Variants in ETFB observed in about 807,000 individuals in gnomAD.
ETFB encodes the protein beta-ETF.
Under a neutral mutation model 25.6 loss-of-function variants are expected in ETFB, and 20 were observed. The observed-to-expected ratio is 0.78, with a 90% confidence interval of 0.55 to 1.14. The LOEUF (loss-of-function observed/expected upper bound fraction) is 1.14, where lower values mean the gene tolerates loss of function less well. Among genes scored for constraint, ETFB ranks in the 50% most tolerant of loss-of-function variants. The pLI, the probability that ETFB is intolerant of heterozygous loss-of-function variation, is 0.00. For synonymous variants in ETFB, 142 were observed against 146.7 expected, an observed-to-expected ratio of 0.97 and a Z score of 0.23; for missense variants, 286 against 342.6, an observed-to-expected ratio of 0.83 and a Z score of 1.30.
intron 2 of ETFB, among the ~76,000 whole-genome samples, chr19:51,353,730 A>C (rs78981919): frequency 2.7e-5 from 3 of 109,842 alleles, no homozygotes; most frequent in Non-Finnish European, 5.5e-5. Context: ...CTATCAGCCC[A>C]TCCTCCCTCA....
chr19:51,353,056 C>A lies in ETFB; in HGVS notation c.375+76G>T. On this transcript the variant is annotated intron_variant, in intron 3 of 5. Transcript: ENST00000309244. ...TGCCCTGGGCCTGGCCAGCTGCTGT[C>A]TCACCCCGTATCTCCACCACCCTCC... is the stretch of plus-strand genomic sequence containing the variant. The A allele has an allele frequency of 3.1e-6, 5 of 1,588,690 alleles. No individual in the cohort carries two copies. In the Middle Eastern group the frequency reaches 8.7e-4, roughly 276 times the overall value.
chr19:51,356,999 C>T (rs1413217175), intron 1 of ETFB: 1 of 152,056 alleles, frequency 6.6e-6, no homozygotes, highest in Admixed American at 6.6e-5. Context: ...TCAGGGCCCA[C>T]CTAAATAATC....
rs372227766 is a variant in ETFB at position 51,353,125 on chromosome 19, C to G, written c.375+7G>C. On this transcript the variant is annotated splice_region_variant and intron_variant, in intron 3 of 5. Transcript: ENST00000309244. ...AAGGGGGCACAGGGAGGGCTGACCA[C>G]AGCTACCTGTTTGCCCAGCAGCACC... is the stretch of plus-strand genomic sequence containing the variant. 1.7e-5 allele frequency: 28 copies of G among 1,613,948 alleles called. No individual in the cohort carries two copies. The highest frequency in any genetic ancestry group is 1.7e-4 in the Middle Eastern group (1 of 6,060).
intron 1 of ETFB, among the ~76,000 whole-genome samples, chr19:51,358,715 G>C (rs1986141548): frequency 6.6e-6 from 1 of 152,122 alleles, no homozygotes; most frequent in African/African-American, 2.4e-5. Context: ...GGCTGGGGCA[G>C]GGAGAATTGC....
At chr19:51,345,672 G>A in intron 5 of ETFB, 3 of 478,392 alleles carry the variant, frequency 6.3e-6, no homozygotes, top group South Asian at 2.0e-5. Flanking sequence ...CCTTTTGGTA[G>A]TAATGACTCA....
chr19:51,351,195 CAT>C (rs1985925562), intron 3 of ETFB, among the ~76,000 whole-genome samples: 2 of 152,206 alleles, frequency 1.3e-5, no homozygotes, highest in Admixed American at 6.5e-5. Flanking sequence ...GGGAGGGGCA[CAT>C]GACTCAAGCT....
chr19:51,354,406 ACAGCCTGGAAAGGGG>A (rs762647069), intron 1 of ETFB, 98 bp from the exon 2 acceptor site: 4 of 1,613,862 alleles, frequency 2.5e-6, no homozygotes, highest in Non-Finnish European at 3.4e-6. Context: ...GAGGACAACG[ACAGCCTGGAAAGGGG>A]CAGGGCCTTG....
At chr19:51,361,763 G>A (rs1410357522) in intron 1 of ETFB, 1 of 146,516 alleles carries the variant, frequency 6.8e-6, no homozygotes, top group Non-Finnish European at 1.5e-5. Context: ...GGAGTGCAGT[G>A]GCACGATCTC....
intron 5 of ETFB, chr19:51,345,839 C>T: frequency 4.2e-6 from 1 of 238,228 alleles, no homozygotes; most frequent in South Asian, 4.1e-5. Flanking sequence ...GCGCTGAACC[C>T]TCCCTATAGG....
chr19:51,351,262 C>T (rs551409219), intron 3 of ETFB, among the ~76,000 whole-genome samples: 17 of 152,196 alleles, frequency 1.1e-4, no homozygotes, highest in Non-Finnish European at 2.4e-4. Context: ...GAAAGATGCT[C>T]CTTTCTTTCT....
rs572425407 is a variant in ETFB at position 51,365,717 on chromosome 19, ATC to A, written c.57+551_57+552del. On this transcript the variant is annotated intron_variant, in intron 1 of 5. Coordinates refer to ENST00000309244, the MANE Select transcript of ETFB (RefSeq NM_001985.3). ...AGTCAGGTTGGCTCCTTGAACTTTCATCTCTAGCAAACACACTTCTCTCTCCC... is the reference window on the plus strand; with the variant it reads ...AGTCAGGTTGGCTCCTTGAACTTTCATCTAGCAAACACACTTCTCTCTCCC... 1.3e-3 allele frequency among the ~76,000 whole-genome samples: 198 copies of A among 151,998 alleles called. 1 individual carries two copies. Among genetic ancestry groups the A allele is most frequent in the Non-Finnish European group, 2.4e-3 (163 of 67,986 alleles).
At chr19:51,349,803 A>G (rs201840396) in intron 4 of ETFB, among the ~76,000 whole-genome samples, 1 of 151,640 alleles carries the variant, frequency 6.6e-6, no homozygotes, top group East Asian at 1.9e-4. Flanking sequence ...GCTGGAGTGC[A>G]GTGGCGTGCG....
intron 1 of ETFB, chr19:51,356,220 G>A (rs894457091): frequency 1.3e-5 from 2 of 151,560 alleles, no homozygotes; most frequent in Admixed American, 1.3e-4. Context: ...TTAAACTTTC[G>A]CTCCAACCTC....
chr19:51,362,532 G>A (rs1308997646), intron 1 of ETFB, among the ~76,000 whole-genome samples: 2 of 152,156 alleles, frequency 1.3e-5, no homozygotes, highest in Non-Finnish European at 2.9e-5. Context: ...CTGAGATCAT[G>A]CCACTGCACT....
Position 51,353,156 on chromosome 19 carries a change from C to T in ETFB, c.351G>A (p.Val117=), listed in dbSNP as rs780821252. ...CCTGTTTGCCCAGCAGCACCAGGTC[C>T]ACCTTCTCCTTCTCTGCCAGCTTGG... The part of the protein sequence containing the change: ...VLAKLAEKEK[V]DLVLLGKQAI... The change falls in exon 3 of 6, where the codon GTG becomes GTA. Residue 117 remains valine, a synonymous_variant. Coordinates refer to ENST00000309244, the MANE Select transcript of ETFB (RefSeq NM_001985.3). 1 of 1,614,108 alleles carries T rather than the reference C, an allele frequency of 6.2e-7. No homozygotes were observed. The highest frequency in any genetic ancestry group is 1.7e-5 in the Admixed American group (1 of 60,026).
chr19:51,366,312 G>T lies in ETFB; in HGVS notation c.15C>A (p.Arg5=). The T allele has an allele frequency of 6.2e-7, 1 of 1,612,808 alleles. No homozygotes were observed. Among genetic ancestry groups the T allele is most frequent in the Non-Finnish European group, 8.5e-7 (1 of 1,179,838 alleles). ...TGACCCTCTTGACAGCTACGAGCAC[G>T]CGCAGCTCCGCCATCTTCCCGCCGC... MAEL[R]VLVAVKRVID... Residue 5 remains arginine, a synonymous_variant, in exon 1 of 6, where the codon CGC becomes CGA. Transcript: ENST00000309244.
chr19:51,354,802 G>A, intron 1 of ETFB: 2 of 752,654 alleles, frequency 2.7e-6, no homozygotes, highest in Non-Finnish European at 4.3e-6. Flanking sequence ...AGCAGCCTGG[G>A]GAAAACTCAA....
intron 1 of ETFB, among the ~76,000 whole-genome samples, chr19:51,363,700 C>T (rs117933900): frequency 0.071 from 10,727 of 152,104 alleles, 1,061 homozygotes; most frequent in African/African-American, 0.22. Flanking sequence ...CCACTCGCCT[C>T]AGCCTCACAA....
At chr19:51,362,747 C>T (rs982947535) in intron 1 of ETFB, among the ~76,000 whole-genome samples, 1 of 152,146 alleles carries the variant, frequency 6.6e-6, no homozygotes, top group Non-Finnish European at 1.5e-5. Context: ...AGGAAGTGGA[C>T]GCAGGCGCTG....
Sources: gnomAD v4.1 joint callset for allele counts (sites outside exome capture counted in the v4.1 genomes callset) on GRCh38, gnomAD v4.1.1 for gene constraint, MANE v1.5 for transcripts, NCBI Gene and HGNC (gene_info 2026-07-23, HGNC 2026-07-21) for gene names.